HPS3: variants seen among roughly 807,000 people sequenced by gnomAD.
HPS3 encodes BLOC-2 complex member HPS3.
A neutral mutation model predicts 110.9 loss-of-function variants in HPS3; 79 were observed. The ratio of observed to expected loss-of-function variants is 0.71; its 90% CI spans 0.59 to 0.86. The LOEUF (loss-of-function observed/expected upper bound fraction) is 0.86. HPS3 is among the 40% of genes least tolerant of loss of function. HPS3 has a pLI of 0.00. For synonymous variants in HPS3, 428 were observed against 451.0 expected, an observed-to-expected ratio of 0.95 and a Z score of 0.65; for missense variants, 1,197 against 1,206.2, an observed-to-expected ratio of 0.99 and a Z score of 0.11.
chr3:149,158,637 T>C, intron 9 of HPS3, 29 bp from the exon 10 acceptor site: 1 of 1,603,492 alleles, frequency 6.2e-7, no homozygotes, highest in Non-Finnish European at 8.5e-7. Context: ...AAGTGACAAA[T>C]TTGAGGTTTT....
intron 10 of HPS3, among the ~76,000 whole-genome samples, chr3:149,159,796 G>T (rs1170819731): frequency 6.6e-6 from 1 of 152,030 alleles, no homozygotes; most frequent in Admixed American, 6.6e-5. Flanking sequence ...TAGAAACGCT[G>T]GCCATAACCT....
intron 1 of HPS3, among the ~76,000 whole-genome samples, chr3:149,137,813 G>A (rs1519859): frequency 0.022 from 3,394 of 152,240 alleles, 139 homozygotes; most frequent in African/African-American, 0.077. Context: ...CCTGGGGAGA[G>A]GGAGGAATAG....
At position 149,167,077 on chromosome 3, in the gene HPS3, C is replaced by T. The variant is rs145093021; in HGVS notation, c.2633C>T (p.Pro878Leu). 5.0e-5 allele frequency: 81 copies of T among 1,613,588 alleles called. No individual in the cohort carries two copies. The highest frequency in any genetic ancestry group is 6.4e-5 in the Non-Finnish European group (76 of 1,179,732). The change falls in exon 15 of 17, where the codon CCG becomes CTG. Residue 878 changes from proline (P) to leucine (L), a missense_variant. Pro to Leu is a moderately conservative substitution (Grantham distance 98). Transcript: ENST00000296051. Reference protein sequence around the residue: ...GPSFDIASIIPFLEPLSEDTI... With the variant: ...GPSFDIASIILFLEPLSEDTI... The stretch of plus-strand genomic sequence containing the variant: ...TCATTTGACATAGCTTCCATTATTC[C>T]GTTCTTGGAGCCACTTTCAGAAGAC...
intron 4 of HPS3, among the ~76,000 whole-genome samples, chr3:149,141,782 G>C (rs924577930): frequency 2.6e-5 from 4 of 151,816 alleles, no homozygotes; most frequent in Admixed American, 6.6e-5. Flanking sequence ...TGATCTGCCT[G>C]TGTTGGCCTC....
intron 1 of HPS3, among the ~76,000 whole-genome samples, chr3:149,136,388 C>T (rs1722100237): frequency 6.6e-6 from 1 of 152,094 alleles, no homozygotes; most frequent in Non-Finnish European, 1.5e-5. Context: ...AAATGAGGCA[C>T]TGCACACATA....
At chr3:149,145,634 C>A in intron 5 of HPS3, 88 bp downstream of exon 5, 1 of 1,013,138 alleles carries the variant, frequency 9.9e-7, no homozygotes, top group Non-Finnish European at 1.6e-6. Context: ...ATTGTGTGAA[C>A]TAGCATAGAG....
chr3:149,158,182 A>G (rs1479484808), intron 9 of HPS3, among the ~76,000 whole-genome samples: 1 of 152,132 alleles, frequency 6.6e-6, no homozygotes, highest in African/African-American at 2.4e-5. Context: ...ATGTTTACAA[A>G]TTTTTTTGCA....
At position 149,140,410 on chromosome 3, in the gene HPS3, C is replaced by T. The variant is rs1173946344; in HGVS notation, c.624C>T (p.Ile208=). Reference sequence around the variant, plus strand: ...TCATGTCAGACTTAGAAGTCTTAATCGTAAAACTGGAGTCAGGCCCTAAAA... The same window carrying T: ...TCATGTCAGACTTAGAAGTCTTAATTGTAAAACTGGAGTCAGGCCCTAAAA... The part of the protein sequence containing the change: ...VAVMSDLEVL[I]VKLESGPKNG... Residue 208 remains isoleucine (I), a synonymous_variant, in exon 2 of 17, where the codon ATC becomes ATT. Coordinates refer to ENST00000296051, the MANE Select transcript of HPS3 (RefSeq NM_032383.5). 9.3e-6 allele frequency: 15 copies of T among 1,611,186 alleles called. No individual in the cohort carries two copies. In the East Asian group the frequency reaches 1.6e-4, roughly 17 times the overall value.
intron 1 of HPS3, chr3:149,130,284 T>A: frequency 8.0e-6 from 3 of 374,440 alleles, no homozygotes; most frequent in African/African-American, 2.1e-5. Context: ...TTCAAAGACT[T>A]ACCAAAAAAA....
In HPS3 at chr3:149,173,457, T is replaced by C. The variant is rs1437157797; in HGVS notation, c.*1235T>C. 1 of 291,988 alleles carries C rather than the reference T, an allele frequency of 3.4e-6. No homozygotes were observed. Among genetic ancestry groups the C allele is most frequent in the African/African-American group, 2.2e-5 (1 of 45,394 alleles). The allele number at this position is 291,988 out of a possible 1,614,324, so 18.1% of individuals were successfully genotyped here. A position where few individuals can be genotyped will look rare whatever the true frequency, so the allele number is the denominator to read the frequency against. Reference sequence around the variant, plus strand: ...CAGTTTTATAAAACCCTAACAGCGGTGATATCATTAGACTGTATGAATCAG... The same window carrying C: ...CAGTTTTATAAAACCCTAACAGCGGCGATATCATTAGACTGTATGAATCAG... On this transcript the variant is annotated 3_prime_UTR_variant, in exon 17 of 17. Coordinates refer to ENST00000296051, the MANE Select transcript of HPS3 (RefSeq NM_032383.5).
intron 7 of HPS3, 136 bp downstream of exon 7, chr3:149,153,784 A>G (rs1723280743): frequency 1.1e-6 from 1 of 884,104 alleles, no homozygotes. Flanking sequence ...TTTTCCAGAG[A>G]AAGAAAAGAA....
chr3:149,141,756 C>T (rs1722488945), intron 4 of HPS3, among the ~76,000 whole-genome samples: 1 of 151,744 alleles, frequency 6.6e-6, no homozygotes, highest in Non-Finnish European at 1.5e-5. Context: ...AGGATGGTCT[C>T]GATCTCCTGA....
Position 149,145,403 on chromosome 3 carries a change from G to C in HPS3, c.1020G>C (p.Leu340=). The part of the protein sequence containing the change: ...GKNLSQEKEL[L]SLFCFFSLPH... ...ATTTGTCTCAGGAAAAAGAATTGCT[G>C]AGTCTCTTTTGCTTTTTCTCCTTAC... is the stretch of plus-strand genomic sequence containing the variant. The change falls in exon 5 of 17, where the codon CTG becomes CTC. Residue 340 remains leucine, a synonymous_variant. Transcript: ENST00000296051. The C allele has an allele frequency of 6.2e-7, 1 of 1,614,034 alleles. No homozygotes were observed. Among genetic ancestry groups the C allele is most frequent in the Non-Finnish European group, 8.5e-7 (1 of 1,179,964 alleles).
chr3:149,153,679 C>A, intron 7 of HPS3, 31 bp downstream of exon 7: 1 of 1,609,110 alleles, frequency 6.2e-7, no homozygotes. Context: ...GGCATTCCTG[C>A]CAGTTTCTGG....
chr3:149,150,348 C>T (rs1284023948), intron 5 of HPS3, among the ~76,000 whole-genome samples: 4 of 152,126 alleles, frequency 2.6e-5, no homozygotes, highest in South Asian at 2.1e-4. Flanking sequence ...GAAATGTACA[C>T]GTCCAGATTC....
chr3:149,171,949 C>T, intron 16 of HPS3, 146 bp from the exon 17 acceptor site: 2 of 617,138 alleles, frequency 3.2e-6, no homozygotes, highest in South Asian at 1.6e-5. Context: ...TCGTGATCTG[C>T]CCACCTCGGC....
At chr3:149,133,870 T>A (rs536716477) in intron 1 of HPS3, among the ~76,000 whole-genome samples, 1 of 152,344 alleles carries the variant, frequency 6.6e-6, no homozygotes, top group South Asian at 2.1e-4. Context: ...AAACATAACT[T>A]TTTTATGCAC....
rs1647627042 is a variant in HPS3 at position 149,140,918 on chromosome 3, A to G, written c.713-99A>G. ...CACAGTGCCTTGTAAATGTGTGCAT[A>G]TTATAAATAAATGAAATTACTATAT... On this transcript the variant is annotated intron_variant, in intron 2 of 16. Coordinates refer to ENST00000296051, the MANE Select transcript of HPS3 (RefSeq NM_032383.5). 8.1e-6 allele frequency: 9 copies of G among 1,116,754 alleles called. No homozygotes were observed. The South Asian group carries it at 1.2e-4, about 15-fold the overall frequency. 69.2% of individuals were successfully genotyped at this position (1,116,754 alleles called of 1,614,324 possible).
At chr3:149,152,480 G>A (rs1376666978) in intron 6 of HPS3, among the ~76,000 whole-genome samples, 2 of 152,166 alleles carry the variant, frequency 1.3e-5, no homozygotes, top group African/African-American at 4.8e-5. Flanking sequence ...GGCCAGTGGA[G>A]GTAGGAGGGG....
Sources: gnomAD v4.1 joint callset for allele counts (sites outside exome capture counted in the v4.1 genomes callset) on GRCh38, gnomAD v4.1.1 for gene constraint, MANE v1.5 for transcripts, NCBI Gene and HGNC (gene_info 2026-07-23, HGNC 2026-07-21) for gene names.